Variants in ANKRD11 observed in about 807,000 individuals in gnomAD.
The protein encoded by ANKRD11 is ankyrin repeat domain-containing protein 11.
ANKRD11 carries 17 observed loss-of-function variants against 195.7 expected under a neutral mutation model. The observed-to-expected ratio is 0.09, with a 90% CI of 0.06 to 0.13. ANKRD11 has a LOEUF of 0.13. ANKRD11 is among the 10% of genes least tolerant of loss of function. The pLI, the probability that ANKRD11 is intolerant of heterozygous loss-of-function variation, is 1.00. For synonymous variants in ANKRD11, 1,953 were observed against 1,528.1 expected (o/e 1.28, Z -6.49); for missense variants, 3,735 against 3,566.1 (o/e 1.05, Z -1.21).
intron 1 of ANKRD11, among the ~76,000 whole-genome samples, chr16:89,425,718 G>C (rs1217234503): frequency 6.6e-6 from 1 of 152,118 alleles, no homozygotes; most frequent in East Asian, 1.9e-4. Flanking sequence ...TCTTTTTTAA[G>C]GGTGGGGTGC....
At chr16:89,296,697 G>A (rs1014230076) in intron 4 of ANKRD11, among the ~76,000 whole-genome samples, 2 of 152,212 alleles carry the variant, frequency 1.3e-5, no homozygotes, top group African/African-American at 4.8e-5. Flanking sequence ...CTTCCTCAAC[G>A]TCTTGTAATT....
chr16:89,394,583 G>A (rs560345779), intron 2 of ANKRD11, among the ~76,000 whole-genome samples: 3 of 150,942 alleles, frequency 2.0e-5, no homozygotes, highest in Non-Finnish European at 4.4e-5. Context: ...AGCCAGTATC[G>A]CACCACTGCA....
At chr16:89,359,969 C>CG (rs1022691522) in intron 2 of ANKRD11, among the ~76,000 whole-genome samples, 68 of 148,208 alleles carry the variant, frequency 4.6e-4, no homozygotes, top group South Asian at 1.1e-3. Flanking sequence ...CGGCAGTGGG[C>CG]GGGGGGGGAG....
At chr16:89,472,380 G>A (rs1393464690) in intron 1 of ANKRD11, among the ~76,000 whole-genome samples, 1 of 152,108 alleles carries the variant, frequency 6.6e-6, no homozygotes, top group Non-Finnish European at 1.5e-5. Flanking sequence ...CTAAGGGGAA[G>A]GGGAAGGGAG....
intron 2 of ANKRD11, among the ~76,000 whole-genome samples, chr16:89,387,400 C>T (rs1364660471): frequency 6.6e-6 from 1 of 151,924 alleles, no homozygotes; most frequent in South Asian, 2.1e-4. Flanking sequence ...GGGCCGGGCG[C>T]GGTGGCTCAC....
At chr16:89,332,787 G>T (rs1048262205) in intron 2 of ANKRD11, among the ~76,000 whole-genome samples, 1 of 152,164 alleles carries the variant, frequency 6.6e-6, no homozygotes. Flanking sequence ...ACACCTCCAA[G>T]GAGGTTATCC....
chr16:89,289,586 G>T (rs540608517), intron 6 of ANKRD11, among the ~76,000 whole-genome samples: 1 of 152,198 alleles, frequency 6.6e-6, no homozygotes, highest in Non-Finnish European at 1.5e-5. Context: ...GTGAAGTGAG[G>T]GAGTCCAGTC....
chr16:89,294,285 C>T (rs531676432), intron 4 of ANKRD11, among the ~76,000 whole-genome samples: 1 of 152,192 alleles, frequency 6.6e-6, no homozygotes, highest in Non-Finnish European at 1.5e-5. Context: ...GGAGCCACCA[C>T]AGGGACCTTG....
At chr16:89,278,582 G>C in intron 9 of ANKRD11, 1 of 457,628 alleles carries the variant, frequency 2.2e-6, no homozygotes, top group South Asian at 1.5e-5. Context: ...TGCCCCAAGG[G>C]AGCTGCAGCT....
chr16:89,403,228 G>A (rs959850826), intron 2 of ANKRD11, among the ~76,000 whole-genome samples: 1 of 152,112 alleles, frequency 6.6e-6, no homozygotes, highest in Non-Finnish European at 1.5e-5. Context: ...TCTGCTTTAC[G>A]GGCACTGACA....
rs1249633142 is a variant in ANKRD11 at position 89,284,791 on chromosome 16, G to C, written c.1751C>G (p.Ser584Cys). 3 of 1,613,606 alleles carry C rather than the reference G, an allele frequency of 1.9e-6. No individual in the cohort carries two copies. The South Asian group carries it at 3.3e-5, about 18-fold the overall frequency. ...TSESDYSSEGSSVESLKPVRK... is the reference protein window; with the variant it reads ...TSESDYSSEGCSVESLKPVRK... ...CACTGGCTTCAGCGATTCCACACTGGAGCCCTCAGAGGAGTAGTCAGACTC... is the reference window on the plus strand; with the variant it reads ...CACTGGCTTCAGCGATTCCACACTGCAGCCCTCAGAGGAGTAGTCAGACTC... Residue 584 changes from serine (S) to cysteine (C), a missense_variant, in exon 9 of 13, where the codon TCC (serine) becomes TGC (cysteine). Ser to Cys is a moderately radical substitution (Grantham distance 112, BLOSUM62 -1). Coordinates refer to ENST00000301030, the MANE Select transcript of ANKRD11 (RefSeq NM_013275.6).
chr16:89,436,508 T>G (rs1048421337), intron 1 of ANKRD11, among the ~76,000 whole-genome samples: 2 of 152,020 alleles, frequency 1.3e-5, no homozygotes, highest in African/African-American at 4.8e-5. Context: ...ACAGCAAGTA[T>G]TATACAAGAG....
At chr16:89,340,370 C>T (rs548395203) in intron 2 of ANKRD11, among the ~76,000 whole-genome samples, 3 of 152,236 alleles carry the variant, frequency 2.0e-5, no homozygotes, top group African/African-American at 4.8e-5. Flanking sequence ...CTCCACCTCC[C>T]GGGTTCAAGC....
intron 2 of ANKRD11, among the ~76,000 whole-genome samples, chr16:89,318,374 C>T (rs1446054376): frequency 6.6e-6 from 1 of 152,252 alleles, no homozygotes; most frequent in Non-Finnish European, 1.5e-5. Flanking sequence ...CCCATCATGT[C>T]CTCGCCGCAC....
At chr16:89,406,904 C>T (rs768905883) in intron 2 of ANKRD11, among the ~76,000 whole-genome samples, 4 of 152,174 alleles carry the variant, frequency 2.6e-5, no homozygotes, top group African/African-American at 7.2e-5. Flanking sequence ...TCAGGCCGGA[C>T]GTGGTGGCTC....
At chr16:89,306,689 G>A (rs191465381) in intron 3 of ANKRD11, among the ~76,000 whole-genome samples, 15 of 22,052 alleles carry the variant, frequency 6.8e-4, no homozygotes, top group East Asian at 1.9e-3. Flanking sequence ...CTCCCACTCC[G>A]CAGACACGTG....
At chr16:89,481,765 T>A (rs138226017) in intron 1 of ANKRD11, among the ~76,000 whole-genome samples, 6 of 152,276 alleles carry the variant, frequency 3.9e-5, no homozygotes, top group African/African-American at 1.2e-4. Context: ...TGGATGGGCT[T>A]TCGTGTTCAG....
intron 2 of ANKRD11, among the ~76,000 whole-genome samples, chr16:89,363,624 C>G (rs965637090): frequency 6.7e-6 from 1 of 150,190 alleles, no homozygotes; most frequent in Admixed American, 6.6e-5. Context: ...CAAACGCACT[C>G]TGTGTGCCAA....
intron 11 of ANKRD11, among the ~76,000 whole-genome samples, chr16:89,273,305 T>C (rs1288475146): frequency 6.6e-6 from 1 of 152,204 alleles, no homozygotes; most frequent in Admixed American, 6.5e-5. Context: ...AGAGCTGTCC[T>C]GACTGCCTGT....
Sources: allele counts gnomAD v4.1 joint callset (sites outside exome capture counted in the v4.1 genomes callset), GRCh38; gene constraint gnomAD v4.1.1; transcripts MANE v1.5; gene names NCBI Gene and HGNC (gene_info 2026-07-23, HGNC 2026-07-21).